Variants in EPHA10 observed in about 807,000 individuals in gnomAD.
EPHA10 encodes ephrin type-A receptor 10.
Under a neutral mutation model 109.7 loss-of-function variants are expected in EPHA10, and 120 were observed. The ratio of observed to expected loss-of-function variants is 1.09; its 90% CI spans 0.94 to 1.27. The LOEUF is 1.27. Ranked by LOEUF, EPHA10 falls within the 50% of genes most tolerant of loss-of-function variation. The pLI, the probability that EPHA10 is intolerant of heterozygous loss-of-function variation, is 0.00. For missense variants in EPHA10, 1,396 were observed against 1,411.1 expected (o/e 0.99, Z 0.17); for synonymous variants, 640 against 618.9 (o/e 1.03, Z -0.51).
chr1:37,735,021 A>G (rs942222288), intron 6 of EPHA10, among the ~76,000 whole-genome samples: 2 of 152,158 alleles, frequency 1.3e-5, no homozygotes, highest in African/African-American at 4.8e-5. Flanking sequence ...CCGAAACACT[A>G]GGTGACATGG....
Position 37,716,986 on chromosome 1 carries a change from G to A in EPHA10, c.*1386C>T, listed in dbSNP as rs1028255918. 4.3e-6 allele frequency: 1 copy of A among 232,790 alleles called. No homozygotes were observed. The highest frequency in any genetic ancestry group is 8.5e-6 in the Non-Finnish European group (1 of 118,014). The allele number at this position is 232,790 out of a possible 1,614,324, so 14.4% of individuals were successfully genotyped here. On this transcript the variant is annotated 3_prime_UTR_variant, in exon 17 of 17. Transcript: ENST00000373048. ...TCTGAGCCCCCCAAGGGCAGGCTGT[G>A]TGTCTTTTTCATCTTTACCTCTTGT... is the stretch of plus-strand genomic sequence containing the variant.
In EPHA10 at chr1:37,732,863, C is replaced by CTTTTTTTTTTTTTTTTT. The variant is rs56226051; in HGVS notation, c.1492-1298_1492-1282dup. ...CAAATATAGCCCTTTTATACTTGTT[C>CTTTTTTTTTTTTTTTTT]TTTTTTTTTTTTTTTTTTTTTTTTT... On this transcript the variant is annotated intron_variant, in intron 6 of 16. Coordinates refer to ENST00000373048, the MANE Select transcript of EPHA10 (RefSeq NM_001099439.2). Among the ~76,000 whole-genome samples, 31 of 25,042 alleles carry CTTTTTTTTTTTTTTTTT rather than the reference C, an allele frequency of 1.2e-3. 11 individuals are homozygous for CTTTTTTTTTTTTTTTTT. Among genetic ancestry groups the CTTTTTTTTTTTTTTTTT allele is most frequent in the African/African-American group, 1.9e-3 (14 of 7,484 alleles). 16.4% of individuals were successfully genotyped at this position (25,042 alleles called of 152,430 possible).
At chr1:37,747,298 C>T (rs1646254661) in intron 5 of EPHA10, among the ~76,000 whole-genome samples, 1 of 152,150 alleles carries the variant, frequency 6.6e-6, no homozygotes, top group African/African-American at 2.4e-5. Context: ...CACCTGTAAT[C>T]CCAAAACTTT....
At chr1:37,730,992 G>A (rs775079262) in intron 7 of EPHA10, among the ~76,000 whole-genome samples, 15 of 152,030 alleles carry the variant, frequency 9.9e-5, no homozygotes, top group African/African-American at 1.9e-4. Flanking sequence ...GCGCCTGGCC[G>A]CAATCCTTAT....
Position 37,727,206 on chromosome 1 carries a change from G to C in EPHA10, c.1668C>G (p.Ala556=). ...SIEVQTLGEA[A]SGSRDQSPAI... ...CGGGGCTCTGGTCCCTGGACCCTGA[G>C]GCAGCTGGGAGGAAAATCACGAGGT... The change falls in exon 8 of 17, where the codon GCC becomes GCG. Residue 556 remains alanine, a synonymous_variant. Coordinates refer to ENST00000373048, the MANE Select transcript of EPHA10 (RefSeq NM_001099439.2). 6.3e-7 allele frequency: 1 copy of C among 1,599,100 alleles called. No homozygotes were observed. The highest frequency in any genetic ancestry group is 1.1e-5 in the South Asian group (1 of 89,248).
At chr1:37,757,488 A>G (rs1221536973) in intron 3 of EPHA10, among the ~76,000 whole-genome samples, 2 of 152,016 alleles carry the variant, frequency 1.3e-5, no homozygotes. Flanking sequence ...GTAATTCCTT[A>G]TATCCTTTTT....
At chr1:37,726,241 AAGGAACTCCCTACTCT>A (rs1645889680) in intron 8 of EPHA10, among the ~76,000 whole-genome samples, 1 of 152,228 alleles carries the variant, frequency 6.6e-6, no homozygotes, top group South Asian at 2.1e-4. Flanking sequence ...CTCCACGAGC[AAGGAACTCCCTACTCT>A]TGTCCTGCCC....
chr1:37,721,913 C>T (rs1645805154), intron 10 of EPHA10, 68 bp from the exon 11 acceptor site: 6 of 1,402,002 alleles, frequency 4.3e-6, no homozygotes, highest in Middle Eastern at 1.9e-4. Context: ...CAGGCTGAGC[C>T]GAGGAGAAAG....
In EPHA10 at chr1:37,719,565, TG is replaced by T. The variant is rs1449193125; in HGVS notation, c.2604del (p.Arg869GlyfsTer10). ...CGGTGCAGAAGGTTAGGACAGTTCC[TG>T]GGGGGTGGCAGCCGGAAGCCATCCT... The part of the protein sequence containing the change: ...AVEDGFRLPP[P>X]RNCPNLLHRL... On this transcript the variant is annotated frameshift_variant, in exon 15 of 17. Transcript: ENST00000373048. LOFTEE classifies it high-confidence loss of function. The T allele has an allele frequency of 1.2e-6, 2 of 1,613,638 alleles. No homozygotes were observed. Among genetic ancestry groups the T allele is most frequent in the Non-Finnish European group, 1.7e-6 (2 of 1,179,980 alleles).
In EPHA10 at chr1:37,718,214, G is replaced by T; in HGVS notation, c.*158C>A. On this transcript the variant is annotated 3_prime_UTR_variant, in exon 17 of 17. Transcript: ENST00000373048. ...CTCGTGAAAATGGGAGGGGCAGGCA[G>T]TGAAAGCGGGGAAGCTGTGGCCCCA... 1.5e-6 allele frequency: 1 copy of T among 652,526 alleles called. No individual in the cohort carries two copies. The highest frequency in any genetic ancestry group is 2.7e-6 in the Non-Finnish European group (1 of 373,294). 40.4% of individuals were successfully genotyped at this position (652,526 alleles called of 1,614,324 possible).
chr1:37,723,816 C>T lies in EPHA10; in HGVS notation c.1773-444G>A, dbSNP rs543741860. On this transcript the variant is annotated intron_variant, in intron 8 of 16. Transcript: ENST00000373048. ...CCAGTGCTGGCAAAGGAGAAAGGTG[C>T]TGTACTGTTGGGACACGGGACAGAC... Among the ~76,000 whole-genome samples the T allele has an allele frequency of 7.2e-5, 11 of 152,364 alleles. No homozygotes were observed. The East Asian group carries it at 1.9e-3, about 27-fold the overall frequency.
chr1:37,729,500 T>C (rs1392849895), intron 7 of EPHA10, among the ~76,000 whole-genome samples: 1 of 152,010 alleles, frequency 6.6e-6, no homozygotes, highest in Non-Finnish European at 1.5e-5. Context: ...GACAGGAGAA[T>C]TGCTTTGAGC....
rs1645760555 is a variant in EPHA10 at position 37,719,950 on chromosome 1, C to T, written c.2521G>A (p.Ala841Thr). The T allele has an allele frequency of 1.2e-6, 2 of 1,614,130 alleles. No homozygotes were observed. Among genetic ancestry groups the T allele is most frequent in the Non-Finnish European group, 1.7e-6 (2 of 1,180,036 alleles). Residue 841 changes from alanine to threonine, a missense_variant, in exon 14 of 17, where the codon GCC becomes ACC. Coordinates refer to ENST00000373048, the MANE Select transcript of EPHA10 (RefSeq NM_001099439.2). Reference sequence around the variant, plus strand: ...TCCCAGTAAGGCCGCTCCCCAAAGGCCATCACCTCCCACATGATGATGCCG... The same window carrying T: ...TCCCAGTAAGGCCGCTCCCCAAAGGTCATCACCTCCCACATGATGATGCCG... ...SFGIIMWEVMAFGERPYWDMS... is the reference protein window; with the variant it reads ...SFGIIMWEVMTFGERPYWDMS...
intron 5 of EPHA10, among the ~76,000 whole-genome samples, chr1:37,741,029 C>T (rs1646145378): frequency 1.3e-5 from 2 of 152,076 alleles, no homozygotes; most frequent in Non-Finnish European, 1.5e-5. Context: ...TGATGGAAGC[C>T]CAGGGAAGAG....
chr1:37,720,955 A>G (rs1407240853), intron 11 of EPHA10, 111 bp from the exon 12 acceptor site: 2 of 1,016,478 alleles, frequency 2.0e-6, no homozygotes, highest in East Asian at 5.0e-5. Flanking sequence ...AACCAGCACC[A>G]AGCTCCCTAA....
At position 37,717,128 on chromosome 1, in the gene EPHA10, C is replaced by T. The variant is rs1265603923; in HGVS notation, c.*1244G>A. ...GGCCCTGCTGAGATCCAGCTGCCTTCCTGCCACCCTACGAAAGCTCTGGCA... is the reference window on the plus strand; with the variant it reads ...GGCCCTGCTGAGATCCAGCTGCCTTTCTGCCACCCTACGAAAGCTCTGGCA... On this transcript the variant is annotated 3_prime_UTR_variant, in exon 17 of 17. Transcript: ENST00000373048. 4.5e-6 allele frequency: 1 copy of T among 220,990 alleles called. No individual in the cohort carries two copies. Among genetic ancestry groups the T allele is most frequent in the Admixed American group, 5.8e-5 (1 of 17,344 alleles). 13.7% of individuals were successfully genotyped at this position (220,990 alleles called of 1,614,324 possible). A position where few individuals can be genotyped will look rare whatever the true frequency, so the allele number is the denominator to read the frequency against.
intron 3 of EPHA10, 99 bp downstream of exon 3, chr1:37,761,306 C>A: frequency 6.5e-7 from 1 of 1,547,958 alleles, no homozygotes; most frequent in Non-Finnish European, 8.7e-7. Context: ...TCCACCGCCC[C>A]CCGACCCCAC....
intron 10 of EPHA10, 176 bp downstream of exon 10, chr1:37,722,865 G>T: frequency 1.1e-6 from 1 of 927,280 alleles, no homozygotes; most frequent in Non-Finnish European, 1.7e-6. Context: ...AATCAGGCAA[G>T]CCAGGGACTT....
Position 37,716,200 on chromosome 1 carries a change from G to A in EPHA10, c.*2172C>T, listed in dbSNP as rs988780592. 4 of 332,642 alleles carry A rather than the reference G, an allele frequency of 1.2e-5. No individual in the cohort carries two copies. The Admixed American group carries it at 1.5e-4, about 13-fold the overall frequency. The allele number at this position is 332,642 out of a possible 1,614,324, so 20.6% of individuals were successfully genotyped here. A position where few individuals can be genotyped will look rare whatever the true frequency, so the allele number is the denominator to read the frequency against. On this transcript the variant is annotated 3_prime_UTR_variant, in exon 17 of 17. Coordinates refer to ENST00000373048, the MANE Select transcript of EPHA10 (RefSeq NM_001099439.2). ...CCACATCACATCTGTGCAGGGCTGA[G>A]GCCTGGGACCCAACAGGATTCTGGG...
Sources: allele counts gnomAD v4.1 joint callset (sites outside exome capture counted in the v4.1 genomes callset), GRCh38; gene constraint gnomAD v4.1.1; transcripts MANE v1.5; gene names NCBI Gene and HGNC (gene_info 2026-07-23, HGNC 2026-07-21).